Variants in SLC38A4 observed in about 807,000 individuals in gnomAD.
SLC38A4 encodes solute carrier family 38 member 4, also known as sodium-coupled neutral amino acid transporter 4.
A neutral mutation model predicts 63.1 loss-of-function variants in SLC38A4; 20 were observed. That is an observed-to-expected ratio of 0.32 (90% CI 0.22 to 0.46). The LOEUF (loss-of-function observed/expected upper bound fraction) is 0.46, where lower values mean the gene tolerates loss of function less well. Among genes scored for constraint, SLC38A4 ranks in the 20% least tolerant of loss-of-function variants. SLC38A4 has a pLI of 1.00. For missense variants in SLC38A4, 526 were observed against 663.6 expected (o/e 0.79, Z 2.28); for synonymous variants, 230 against 225.5 (o/e 1.02, Z -0.18).
At chr12:46,773,503 T>G (rs1938462686) in intron 14 of SLC38A4, among the ~76,000 whole-genome samples, 1 of 152,120 alleles carries the variant, frequency 6.6e-6, no homozygotes, top group Non-Finnish European at 1.5e-5. Flanking sequence ...TGAACTCTGG[T>G]TCTTATGGTC....
chr12:46,816,606 G>C (rs1939446598), intron 1 of SLC38A4, among the ~76,000 whole-genome samples: 1 of 151,764 alleles, frequency 6.6e-6, no homozygotes, highest in South Asian at 2.1e-4. Flanking sequence ...AGCATATTTG[G>C]TGGCCTAAAC....
In SLC38A4 at chr12:46,788,567, A is replaced by G; in HGVS notation, c.171T>C (p.Phe57=). 1 of 1,613,718 alleles carries G rather than the reference A, an allele frequency of 6.2e-7. No homozygotes were observed. The highest frequency in any genetic ancestry group is 8.5e-7 in the Non-Finnish European group (1 of 1,179,842). ...AATCTGCCAGCTTCTTTTTCCCCAA[A>G]AATCCATTTGTCAGGAATTTCTGAC... ...TESQKFLTNG[F]LGKKKLADYA... is the part of the protein sequence containing the mutation. The change falls in exon 4 of 17, where the codon TTT becomes TTC. Residue 57 remains phenylalanine (F), a synonymous_variant. Coordinates refer to ENST00000266579, the MANE Select transcript of SLC38A4 (RefSeq NM_018018.5).
intron 10 of SLC38A4, 44 bp from the exon 11 acceptor site, chr12:46,778,820 G>T: frequency 6.4e-7 from 1 of 1,568,132 alleles, no homozygotes; most frequent in South Asian, 1.2e-5. Flanking sequence ...AGCTTTTTGA[G>T]AAAAAACAAT....
In SLC38A4 at chr12:46,765,425, A is replaced by T. The variant is rs777578540; in HGVS notation, c.*1276T>A. 1 of 348,246 alleles carries T rather than the reference A, an allele frequency of 2.9e-6. No individual in the cohort carries two copies. Among genetic ancestry groups the T allele is most frequent in the African/African-American group, 2.3e-5 (1 of 43,534 alleles). 21.6% of individuals were successfully genotyped at this position (348,246 alleles called of 1,614,324 possible). On this transcript the variant is annotated 3_prime_UTR_variant, in exon 17 of 17. Coordinates refer to ENST00000266579, the MANE Select transcript of SLC38A4 (RefSeq NM_018018.5). The stretch of plus-strand genomic sequence containing the variant: ...TAAACTGAACTAAATCCTATTTTAG[A>T]TATGCTAAATTAAAAGAACAACTTT...
At chr12:46,774,643 G>A (rs1938486650) in intron 14 of SLC38A4, among the ~76,000 whole-genome samples, 1 of 151,916 alleles carries the variant, frequency 6.6e-6, no homozygotes, top group South Asian at 2.1e-4. Context: ...TATTATTGCA[G>A]CACAACAAAC....
In SLC38A4 at chr12:46,776,781, T is replaced by G. The variant is rs1938534409; in HGVS notation, c.1174+123A>C. On this transcript the variant is annotated intron_variant, in intron 13 of 16. Transcript: ENST00000266579. ...TGACAAAACTAAAATAGTATATTAATTGAATATGTGTCATCTATAGAGCAT... is the reference window on the plus strand; with the variant it reads ...TGACAAAACTAAAATAGTATATTAAGTGAATATGTGTCATCTATAGAGCAT... 7 of 742,212 alleles carry G rather than the reference T, an allele frequency of 9.4e-6. No homozygotes were observed. In the East Asian group the frequency reaches 1.9e-4, roughly 20 times the overall value. The allele number at this position is 742,212 out of a possible 1,614,324, so 46.0% of individuals were successfully genotyped here.
intron 1 of SLC38A4, among the ~76,000 whole-genome samples, chr12:46,814,466 G>C (rs1056415732): frequency 6.6e-6 from 1 of 151,884 alleles, no homozygotes; most frequent in Non-Finnish European, 1.5e-5. Context: ...AGATTTGGGG[G>C]GTTGGTTGGC....
chr12:46,825,654 T>C (rs761883762), intron 1 of SLC38A4, among the ~76,000 whole-genome samples: 25 of 152,106 alleles, frequency 1.6e-4, no homozygotes, highest in Non-Finnish European at 2.9e-4. Flanking sequence ...TCTGCATCCT[T>C]GAAACACATT....
chr12:46,774,919 A>G (rs1450562111), intron 14 of SLC38A4, 130 bp downstream of exon 14: 1 of 1,063,038 alleles, frequency 9.4e-7, no homozygotes, highest in Non-Finnish European at 1.3e-6. Flanking sequence ...TCAAAATGCT[A>G]TAGGAAAATA....
At chr12:46,797,029 A>T (rs1403183959) in intron 2 of SLC38A4, among the ~76,000 whole-genome samples, 2 of 152,112 alleles carry the variant, frequency 1.3e-5, no homozygotes, top group Admixed American at 6.6e-5. Flanking sequence ...CTATTTGCTG[A>T]TGACACCACT....
intron 7 of SLC38A4, among the ~76,000 whole-genome samples, chr12:46,783,946 A>G (rs1055048600): frequency 1.3e-5 from 2 of 151,934 alleles, no homozygotes; most frequent in Non-Finnish European, 2.9e-5. Flanking sequence ...TGTTAAAAAT[A>G]TATATATATA....
intron 1 of SLC38A4, among the ~76,000 whole-genome samples, chr12:46,815,240 G>GATATAT (rs56368111): frequency 2.8e-4 from 25 of 89,616 alleles, no homozygotes; most frequent in Non-Finnish European, 3.9e-4. Context: ...ATGGCTAAAG[G>GATATAT]ATATATATAT....
At chr12:46,807,889 A>AC (rs67831647) in intron 1 of SLC38A4, among the ~76,000 whole-genome samples, 11,616 of 142,202 alleles carry the variant, frequency 0.082, 586 homozygotes, top group East Asian at 0.19. Flanking sequence ...ATTAAATGTT[A>AC]CCCCCCCCCC....
At chr12:46,788,372 G>A (rs1009144977) in intron 4 of SLC38A4, among the ~76,000 whole-genome samples, 156 bp downstream of exon 4, 1 of 152,062 alleles carries the variant, frequency 6.6e-6, no homozygotes, top group Admixed American at 6.6e-5. Flanking sequence ...TGGCGAACAG[G>A]AAAAAACAAG....
At chr12:46,820,428 T>G (rs1939518696) in intron 1 of SLC38A4, among the ~76,000 whole-genome samples, 1 of 152,058 alleles carries the variant, frequency 6.6e-6, no homozygotes, top group Non-Finnish European at 1.5e-5. Flanking sequence ...TCATGCAGGA[T>G]TTGTCCTTCT....
chr12:46,818,518 G>A (rs573297818), intron 1 of SLC38A4, among the ~76,000 whole-genome samples: 2 of 151,722 alleles, frequency 1.3e-5, no homozygotes, highest in South Asian at 4.2e-4. Context: ...CTTAGTTTTG[G>A]TAATATAGTA....
chr12:46,798,570 G>A (rs1939063773), intron 2 of SLC38A4, among the ~76,000 whole-genome samples: 1 of 152,144 alleles, frequency 6.6e-6, no homozygotes. Context: ...GATCTTTGCT[G>A]CTGTAAGTAT....
Position 46,778,620 on chromosome 12 carries a change from G to T in SLC38A4, c.874C>A (p.Arg292Ser). The T allele has an allele frequency of 6.2e-7, 1 of 1,612,952 alleles. No homozygotes were observed. The highest frequency in any genetic ancestry group is 1.7e-4 in the Middle Eastern group (1 of 6,052). ...DVNFMMDYTH[R>S]NPAGLDENQA... ...TTCTCATCCAGCCCTGCAGGATTGC[G>T]GTGGGTGTAATCCATCATGAAGTTC... Residue 292 changes from arginine to serine, a missense_variant, in exon 11 of 17, where the codon CGC (arginine) becomes AGC (serine). Transcript: ENST00000266579.
In SLC38A4 at chr12:46,766,421, C is replaced by T. The variant is rs183532046; in HGVS notation, c.*280G>A. 3.9e-4 allele frequency: 211 copies of T among 535,520 alleles called. No individual in the cohort carries two copies. The highest frequency in any genetic ancestry group is 8.5e-4 in the Middle Eastern group (3 of 3,520). 33.2% of individuals were successfully genotyped at this position (535,520 alleles called of 1,614,324 possible). A position where few individuals can be genotyped will look rare whatever the true frequency, so the allele number is the denominator to read the frequency against. On this transcript the variant is annotated 3_prime_UTR_variant, in exon 17 of 17. Coordinates refer to ENST00000266579, the MANE Select transcript of SLC38A4 (RefSeq NM_018018.5). ...TACATGCAGTTACCCTTATTCTGCT[C>T]GTAAAGCAGCAAAAATACACCTTCA...
Sources: allele counts gnomAD v4.1 joint callset (sites outside exome capture counted in the v4.1 genomes callset), GRCh38; gene constraint gnomAD v4.1.1; transcripts MANE v1.5; gene names NCBI Gene and HGNC (gene_info 2026-07-23, HGNC 2026-07-21).